Variants in XKR4 observed in about 807,000 individuals in gnomAD.
XKR4 encodes the protein XK-related protein 4.
A neutral mutation model predicts 53.9 loss-of-function variants in XKR4; 12 were observed. The ratio of observed to expected loss-of-function variants is 0.22; its 90% confidence interval spans 0.14 to 0.36. The LOEUF (loss-of-function observed/expected upper bound fraction) is 0.36. XKR4 is among the 10% of genes least tolerant of loss of function. The probability of loss-of-function intolerance (pLI) is 1.00; values close to 1 mark genes in which losing one functional copy is unlikely to be tolerated. For missense variants in XKR4, 799 were observed against 859.5 expected, an observed-to-expected ratio of 0.93 and a Z score of 0.88; for synonymous variants, 354 against 362.4, an observed-to-expected ratio of 0.98 and a Z score of 0.26.
chr8:55,403,406 G>A (rs1771360747), intron 2 of XKR4, among the ~76,000 whole-genome samples: 1 of 152,214 alleles, frequency 6.6e-6, no homozygotes, highest in Non-Finnish European at 1.5e-5. Flanking sequence ...AGTAAGATAA[G>A]TGAATTGGAA....
Position 55,357,539 on chromosome 8 carries a change from C to T in XKR4, c.807-139C>T. 7 of 826,994 alleles carry T rather than the reference C, an allele frequency of 8.5e-6. No individual in the cohort carries two copies. In the South Asian group the frequency reaches 1.1e-4, roughly 13 times the overall value. The allele number at this position is 826,994 out of a possible 1,614,324, so 51.2% of individuals were successfully genotyped here. A position where few individuals can be genotyped will look rare whatever the true frequency, so the allele number is the denominator to read the frequency against. On this transcript the variant is annotated intron_variant, in intron 1 of 2. Coordinates refer to ENST00000327381, the MANE Select transcript of XKR4 (RefSeq NM_052898.2). The stretch of plus-strand genomic sequence containing the variant: ...GTACTCTTAAGCAGTTAACTTTGGA[C>T]TTTAACTCATAAGCCCCCGAGGTAA...
chr8:55,391,895 A>C (rs1348906695), intron 2 of XKR4, among the ~76,000 whole-genome samples: 1 of 152,222 alleles, frequency 6.6e-6, no homozygotes, highest in Non-Finnish European at 1.5e-5. Flanking sequence ...CGCAAAGAAG[A>C]TCTTACACTT....
intron 1 of XKR4, chr8:55,164,864 A>G (rs1234759676): frequency 6.1e-6 from 1 of 165,272 alleles, no homozygotes; most frequent in Non-Finnish European, 1.3e-5. Context: ...TATACCAAAA[A>G]GTAGTATGCT....
intron 1 of XKR4, among the ~76,000 whole-genome samples, chr8:55,234,696 G>A (rs993386658): frequency 4.8e-4 from 73 of 152,194 alleles, no homozygotes; most frequent in African/African-American, 1.7e-3. Flanking sequence ...AATCTGGCAG[G>A]CAGTGAAGCA....
chr8:55,124,870 C>A (rs1816439914), intron 1 of XKR4, among the ~76,000 whole-genome samples: 2 of 152,120 alleles, frequency 1.3e-5, no homozygotes, highest in Admixed American at 6.5e-5. Context: ...ACTTGGAAAG[C>A]TAGATGGAGA....
At chr8:55,334,141 A>G (rs1338352835) in intron 1 of XKR4, among the ~76,000 whole-genome samples, 2 of 152,214 alleles carry the variant, frequency 1.3e-5, no homozygotes, top group Admixed American at 6.5e-5. Flanking sequence ...AGTTATAAAC[A>G]TAGAGGACAT....
chr8:55,541,766 A>G lies in XKR4; in HGVS notation c.*17539A>G, dbSNP rs1807104219. ...ATTTGTTTCCTTCCTGTAAATATATATATTCAAATTCCATGTATCCAAACA... is the reference window on the plus strand; with the variant it reads ...ATTTGTTTCCTTCCTGTAAATATATGTATTCAAATTCCATGTATCCAAACA... On this transcript the variant is annotated 3_prime_UTR_variant, in exon 3 of 3. Coordinates refer to ENST00000327381, the MANE Select transcript of XKR4 (RefSeq NM_052898.2). 6.6e-6 allele frequency: 1 copy of G among 152,188 alleles called. No homozygotes were observed. Among genetic ancestry groups the G allele is most frequent in the African/African-American group, 2.4e-5 (1 of 41,440 alleles). 9.4% of individuals were successfully genotyped at this position (152,188 alleles called of 1,614,324 possible). A position where few individuals can be genotyped will look rare whatever the true frequency, so the allele number is the denominator to read the frequency against.
At chr8:55,295,294 C>T (rs1171170033) in intron 1 of XKR4, among the ~76,000 whole-genome samples, 1 of 152,070 alleles carries the variant, frequency 6.6e-6, no homozygotes, top group Non-Finnish European at 1.5e-5. Flanking sequence ...TGAGAAGGCA[C>T]AGAAAAAGGG....
Position 55,540,993 on chromosome 8 carries a change from G to A in XKR4, c.*16766G>A, listed in dbSNP as rs923585735. ...CATCTAATAGAAAAATAGAAACATC[G>A]TGCTTAGCATGAAACCATTGCACAA... On this transcript the variant is annotated 3_prime_UTR_variant, in exon 3 of 3. Transcript: ENST00000327381. 3.3e-5 allele frequency: 5 copies of A among 152,010 alleles called. No homozygotes were observed. The highest frequency in any genetic ancestry group is 6.6e-5 in the Admixed American group (1 of 15,252). 9.4% of individuals were successfully genotyped at this position (152,010 alleles called of 1,614,324 possible).
chr8:55,298,038 A>T (rs1339217778), intron 1 of XKR4, among the ~76,000 whole-genome samples: 1 of 152,208 alleles, frequency 6.6e-6, no homozygotes, highest in African/African-American at 2.4e-5. Context: ...TTACATTTAC[A>T]GTCGATTTTT....
At chr8:55,446,146 T>TGGGA (rs1272816688) in intron 2 of XKR4, among the ~76,000 whole-genome samples, 68 of 144,280 alleles carry the variant, frequency 4.7e-4, no homozygotes, top group Non-Finnish European at 7.5e-4. Context: ...ACTATAGCGT[T>TGGGA]ATTCCCAGGA....
chr8:55,363,956 G>T (rs1284446604), intron 2 of XKR4, among the ~76,000 whole-genome samples: 1 of 152,210 alleles, frequency 6.6e-6, no homozygotes, highest in East Asian at 1.9e-4. Context: ...ATAATGTGAC[G>T]CTATAAACAA....
chr8:55,313,075 G>A (rs1205078390), intron 1 of XKR4, among the ~76,000 whole-genome samples: 1 of 152,028 alleles, frequency 6.6e-6, no homozygotes, highest in Non-Finnish European at 1.5e-5. Flanking sequence ...TTAATCCTGT[G>A]TTTTATATAA....
At chr8:55,410,934 T>C (rs1804767603) in intron 2 of XKR4, among the ~76,000 whole-genome samples, 1 of 152,064 alleles carries the variant, frequency 6.6e-6, no homozygotes, top group African/African-American at 2.4e-5. Flanking sequence ...CCAAGACAGA[T>C]TGAGCCCCTC....
chr8:55,493,870 T>G (rs1352587740), intron 2 of XKR4, among the ~76,000 whole-genome samples: 1 of 152,248 alleles, frequency 6.6e-6, no homozygotes, highest in Non-Finnish European at 1.5e-5. Context: ...TGGTATTAAT[T>G]GCTTGTGGTC....
chr8:55,341,811 G>C (rs1803552089), intron 1 of XKR4, among the ~76,000 whole-genome samples: 1 of 152,040 alleles, frequency 6.6e-6, no homozygotes. Flanking sequence ...CTTGGCCCCT[G>C]GGGCCGCCTG....
chr8:55,272,046 T>C (rs1818698327), intron 1 of XKR4, among the ~76,000 whole-genome samples: 1 of 152,246 alleles, frequency 6.6e-6, no homozygotes, highest in South Asian at 2.1e-4. Context: ...TTTTCTGTTT[T>C]ATACATAAAG....
chr8:55,292,620 T>C (rs1819046250), intron 1 of XKR4, among the ~76,000 whole-genome samples: 1 of 152,108 alleles, frequency 6.6e-6, no homozygotes, highest in Non-Finnish European at 1.5e-5. Flanking sequence ...TATTTTACTG[T>C]TTTTTAATTT....
At chr8:55,482,329 A>C (rs905469627) in intron 2 of XKR4, among the ~76,000 whole-genome samples, 1 of 152,100 alleles carries the variant, frequency 6.6e-6, no homozygotes, top group African/African-American at 2.4e-5. Context: ...TCTCACTCAT[A>C]GGTGGGAATT....
Sources: gnomAD v4.1 joint callset for allele counts (sites outside exome capture counted in the v4.1 genomes callset) on GRCh38, gnomAD v4.1.1 for gene constraint, MANE v1.5 for transcripts, NCBI Gene and HGNC (gene_info 2026-07-23, HGNC 2026-07-21) for gene names.